IFRD1: variants seen among roughly 807,000 people sequenced by gnomAD.
IFRD1 encodes the protein interferon related developmental regulator 1, also known as interferon-related developmental regulator 1.
Under a neutral mutation model 52.9 loss-of-function variants are expected in IFRD1, and 35 were observed. The observed-to-expected ratio is 0.66, with a 90% CI of 0.51 to 0.88. The LOEUF (loss-of-function observed/expected upper bound fraction) is 0.88, where lower values mean the gene tolerates loss of function less well. Ranked by LOEUF, IFRD1 falls within the 40% of genes least tolerant of loss-of-function variation. IFRD1 has a pLI of 0.00. For missense variants in IFRD1, 517 were observed against 550.8 expected (o/e 0.94, Z 0.61); for synonymous variants, 184 against 188.4 (o/e 0.98, Z 0.19).
intron 9 of IFRD1, 136 bp downstream of exon 9, chr7:112,468,251 T>C (rs1795665938): frequency 1.0e-6 from 1 of 963,718 alleles, no homozygotes; most frequent in African/African-American, 1.7e-5. Context: ...TAGCAGGTTT[T>C]TAACAATATA....
Position 112,440,081 on chromosome 7 carries a change from G to A in IFRD1, c.-181-10427G>A, listed in dbSNP as rs561258521. On this transcript the variant is annotated intron_variant, in intron 1 of 12. Transcript: ENST00000005558. ...GCTCACTGCAACCTCTGCCTCCTGG[G>A]TTCAAGAAATTCTCCTGCCTCAGCC... Among the ~76,000 whole-genome samples, 80 of 152,214 alleles carry A rather than the reference G, an allele frequency of 5.3e-4. 1 individual carries two copies. Among genetic ancestry groups the A allele is most frequent in the Non-Finnish European group, 2.1e-4 (14 of 68,006 alleles).
chr7:112,455,346 G>T (rs372315658), intron 1 of IFRD1, among the ~76,000 whole-genome samples: 1 of 152,018 alleles, frequency 6.6e-6, no homozygotes, highest in Non-Finnish European at 1.5e-5. Flanking sequence ...TTTGTCAGGC[G>T]TGGTGGTGTG....
chr7:112,471,838 C>T (rs572801016), intron 9 of IFRD1, among the ~76,000 whole-genome samples: 1 of 152,170 alleles, frequency 6.6e-6, no homozygotes, highest in African/African-American at 2.4e-5. Context: ...TCATTTCACC[C>T]CCTGCTTGTG....
At chr7:112,438,353 T>C (rs1156688101) in intron 1 of IFRD1, among the ~76,000 whole-genome samples, 3 of 152,174 alleles carry the variant, frequency 2.0e-5, no homozygotes, top group Non-Finnish European at 4.4e-5. Context: ...TTCTAGCTTA[T>C]AGGGCTATGA....
At chr7:112,456,837 A>C (rs1795304681) in intron 3 of IFRD1, 77 bp from the exon 4 acceptor site, 2 of 1,379,080 alleles carry the variant, frequency 1.5e-6, no homozygotes, top group Non-Finnish European at 2.1e-6. Flanking sequence ...AAAGTTTAGA[A>C]GGAAATAAGA....
At chr7:112,474,162 T>G (rs1283369560) in intron 11 of IFRD1, among the ~76,000 whole-genome samples, 1 of 152,236 alleles carries the variant, frequency 6.6e-6, no homozygotes, top group Non-Finnish European at 1.5e-5. Context: ...GATGGACATT[T>G]GGGCTGTTTG....
chr7:112,461,975 TCTTA>T (rs778006893), intron 6 of IFRD1, 22 bp from the exon 7 acceptor site: 22 of 1,604,320 alleles, frequency 1.4e-5, no homozygotes, highest in East Asian at 2.2e-5. Context: ...AAGATGGTTA[TCTTA>T]CTTCATATTC....
intron 3 of IFRD1, 112 bp from the exon 4 acceptor site, chr7:112,456,802 A>C: frequency 1.0e-6 from 1 of 972,900 alleles, no homozygotes; most frequent in Non-Finnish European, 1.6e-6. Flanking sequence ...GATGAGAATT[A>C]GATTTAAAAA....
chr7:112,458,788 T>C (rs1795356083), intron 4 of IFRD1, 73 bp from the exon 5 acceptor site: 2 of 1,376,886 alleles, frequency 1.5e-6, no homozygotes, highest in South Asian at 2.3e-5. Flanking sequence ...TTGATCAAAT[T>C]TGGGAAATAA....
Position 112,450,635 on chromosome 7 carries a change from C to A in IFRD1, c.-54C>A. On this transcript the variant is annotated 5_prime_UTR_variant, in exon 1 of 12. Transcript: ENST00000403825. ...AGACGCACGAGTAAAAAGTGCAGCT[C>A]CATCGGCTGATCCTCGCTAAGCTCC... 7.1e-7 allele frequency: 1 copy of A among 1,410,306 alleles called. No individual in the cohort carries two copies. Among genetic ancestry groups the A allele is most frequent in the South Asian group, 1.2e-5 (1 of 86,716 alleles). The allele number at this position is 1,410,306 out of a possible 1,614,324, so 87.4% of individuals were successfully genotyped here.
At chr7:112,425,896 C>T (rs1773226648) in intron 1 of IFRD1, among the ~76,000 whole-genome samples, 1 of 152,210 alleles carries the variant, frequency 6.6e-6, no homozygotes, top group Admixed American at 6.5e-5. Flanking sequence ...GAATAAATAT[C>T]TGCACTTTTT....
chr7:112,433,994 A>AT (rs35432506), intron 1 of IFRD1, among the ~76,000 whole-genome samples: 45 of 149,174 alleles, frequency 3.0e-4, no homozygotes, highest in African/African-American at 8.3e-4. Context: ...TAATTTTTGT[A>AT]TTTTTTTTTT....
chr7:112,474,736 G>T (rs878870464), intron 11 of IFRD1, among the ~76,000 whole-genome samples: 2 of 152,118 alleles, frequency 1.3e-5, no homozygotes, highest in Non-Finnish European at 2.9e-5. Flanking sequence ...TTTAAAAAAT[G>T]TGTTTATTTA....
chr7:112,455,711 T>G (rs983133095), intron 1 of IFRD1, 52 bp from the exon 2 acceptor site: 3 of 1,173,556 alleles, frequency 2.6e-6, no homozygotes, highest in Non-Finnish European at 3.8e-6. Flanking sequence ...AAGTTAAATA[T>G]TTAGGTATAT....
At chr7:112,463,885 CACACACA>C (rs1795536372) in intron 8 of IFRD1, among the ~76,000 whole-genome samples, 5 of 26,910 alleles carry the variant, frequency 1.9e-4, no homozygotes, top group African/African-American at 7.2e-4. Flanking sequence ...CACACACACA[CACACACA>C]CACCCCACGT....
At chr7:112,425,565 C>T (rs1288681656) in intron 1 of IFRD1, among the ~76,000 whole-genome samples, 1 of 152,148 alleles carries the variant, frequency 6.6e-6, no homozygotes, top group African/African-American at 2.4e-5. Context: ...GGACCTCTGA[C>T]CTTGGACTAA....
intron 11 of IFRD1, among the ~76,000 whole-genome samples, chr7:112,475,040 C>T (rs1314180826): frequency 1.3e-5 from 2 of 151,996 alleles, no homozygotes; most frequent in African/African-American, 4.8e-5. Context: ...CTCACTGCAA[C>T]CTCTGCCTCT....
At chr7:112,432,168 C>A (rs1794561679) in intron 1 of IFRD1, among the ~76,000 whole-genome samples, 1 of 152,142 alleles carries the variant, frequency 6.6e-6, no homozygotes, top group East Asian at 1.9e-4. Flanking sequence ...TTTTGAGCAT[C>A]AAAAATCAGT....
At position 112,452,376 on chromosome 7, in the gene IFRD1, C is replaced by T. The variant is rs551790880; in HGVS notation, c.94+1594C>T. Reference sequence around the variant, plus strand: ...AGGTCTATGTTGGCCAGGCTGGTCACGAGTCCCTCGTCCCCAGGGATCTTC... The same window carrying T: ...AGGTCTATGTTGGCCAGGCTGGTCATGAGTCCCTCGTCCCCAGGGATCTTC... On this transcript the variant is annotated intron_variant, in intron 1 of 11. Transcript: ENST00000403825. The T allele has an allele frequency of 1.8e-5, 12 of 680,754 alleles. No homozygotes were observed. In the East Asian group the frequency reaches 1.4e-3, roughly 77 times the overall value. 42.2% of individuals were successfully genotyped at this position (680,754 alleles called of 1,614,324 possible).
Sources: allele counts gnomAD v4.1 joint callset (sites outside exome capture counted in the v4.1 genomes callset), GRCh38; gene constraint gnomAD v4.1.1; transcripts MANE v1.5; gene names NCBI Gene and HGNC (gene_info 2026-07-23, HGNC 2026-07-21).